Variants in TRPM7 observed in about 807,000 individuals in gnomAD.
TRPM7 encodes LTRPC ion channel family member 7.
Under a neutral mutation model 229.7 loss-of-function variants are expected in TRPM7, and 134 were observed. That is an observed-to-expected ratio of 0.58 (90% CI 0.51 to 0.67). The LOEUF is 0.67. Ranked by LOEUF, TRPM7 falls within the 30% of genes least tolerant of loss-of-function variation. The pLI is 0.00. For missense variants in TRPM7, 1,901 were observed against 2,210.0 expected (o/e 0.86, Z 2.80); for synonymous variants, 699 against 715.2 (o/e 0.98, Z 0.36).
intron 1 of TRPM7, among the ~76,000 whole-genome samples, chr15:50,668,082 T>G (rs781749109): frequency 2.0e-5 from 3 of 152,254 alleles, no homozygotes; most frequent in Non-Finnish European, 4.4e-5. Flanking sequence ...TAAGACTTTT[T>G]GTCATCAACA....
At position 50,612,712 on chromosome 15, in the gene TRPM7, A is replaced by G. The variant is rs1276129490; in HGVS notation, c.1888T>C (p.Cys630Arg). ...YPLNELLIWA[C>R]LMKRQVMARF... ...GCCATGACCTGCCTCTTCATAAGGC[A>G]AGCCCAAATTAAAAGTTCATTAAGT... The change falls in exon 16 of 39, where the codon TGC (cysteine) becomes CGC (arginine). Residue 630 changes from cysteine to arginine, a missense_variant. Cys to Arg is a radical substitution (Grantham distance 180). Transcript: ENST00000646667. The G allele has an allele frequency of 6.2e-7, 1 of 1,614,196 alleles. No individual in the cohort carries two copies. The highest frequency in any genetic ancestry group is 8.5e-7 in the Non-Finnish European group (1 of 1,180,026).
intron 4 of TRPM7, among the ~76,000 whole-genome samples, chr15:50,644,667 A>T (rs1192194939): frequency 6.6e-6 from 1 of 151,796 alleles, no homozygotes; most frequent in Admixed American, 6.6e-5. Context: ...GCTAGGCGTG[A>T]GTGCTTGTAA....
intron 12 of TRPM7, among the ~76,000 whole-genome samples, chr15:50,620,249 T>C (rs755121649): frequency 2.6e-5 from 4 of 152,106 alleles, no homozygotes; most frequent in African/African-American, 4.8e-5. Context: ...GCTTTGAATA[T>C]GGCCCAAGAC....
chr15:50,648,647 A>G (rs1466986235), intron 4 of TRPM7, 40 bp downstream of exon 4: 1 of 1,525,908 alleles, frequency 6.6e-7, no homozygotes, highest in Non-Finnish European at 8.9e-7. Flanking sequence ...TATTATTTAA[A>G]TAACAACATA....
At chr15:50,591,843 T>C (rs772679366) in intron 26 of TRPM7, 68 bp downstream of exon 26, 33 of 1,120,422 alleles carry the variant, frequency 2.9e-5, no homozygotes, top group African/African-American at 3.2e-5. Flanking sequence ...TAACAGTACA[T>C]ATTTCTATTA....
chr15:50,624,247 T>C lies in TRPM7; in HGVS notation c.1359A>G (p.Ala453=). 1 of 1,613,014 alleles carries C rather than the reference T, an allele frequency of 6.2e-7. No homozygotes were observed. The highest frequency in any genetic ancestry group is 8.5e-7 in the Non-Finnish European group (1 of 1,179,468). ...MLDALVMDRV[A]FVKLLIENGV... ...CATTTTCAATAAGAAGTTTTACAAA[T>C]GCAACTCTATCCATTACAAGAGCAT... The change falls in exon 12 of 39, where the codon GCA becomes GCG. Residue 453 remains alanine, a synonymous_variant. Coordinates refer to ENST00000646667, the MANE Select transcript of TRPM7 (RefSeq NM_017672.6).
chr15:50,643,273 G>A, intron 5 of TRPM7, 67 bp downstream of exon 5: 1 of 1,327,904 alleles, frequency 7.5e-7, no homozygotes, highest in Non-Finnish European at 1.1e-6. Flanking sequence ...TGGCAACAGA[G>A]TGAGAGTCCG....
Position 50,684,222 on chromosome 15 carries a change from C to T in TRPM7, c.3+2309G>A, listed in dbSNP as rs532807093. ...GGCTGTAGTGCAGTGGCAGGATCTC[C>T]GCTTACTGCAACCTCCACCTCCCAG... is the stretch of plus-strand genomic sequence containing the variant. On this transcript the variant is annotated intron_variant, in intron 1 of 38. Transcript: ENST00000646667. 8.6e-4 allele frequency among the ~76,000 whole-genome samples: 130 copies of T among 151,616 alleles called. 1 individual carries two copies. The highest frequency in any genetic ancestry group is 3.0e-3 in the African/African-American group (123 of 41,354).
rs1470989251 is a variant in TRPM7 at position 50,558,773 on chromosome 15, G to A, written c.*2905C>T. The A allele has an allele frequency of 2.0e-5, 3 of 151,986 alleles. No individual in the cohort carries two copies. The highest frequency in any genetic ancestry group is 2.9e-5 in the Non-Finnish European group (2 of 68,022). The allele number at this position is 151,986 out of a possible 1,614,324, so 9.4% of individuals were successfully genotyped here. ...GTACGTGTGGTGGTGCATGCCTGTGGTTCCACCTAATCAAGAGGCAGTGGC... is the reference window on the plus strand; with the variant it reads ...GTACGTGTGGTGGTGCATGCCTGTGATTCCACCTAATCAAGAGGCAGTGGC... On this transcript the variant is annotated 3_prime_UTR_variant, in exon 39 of 39. Coordinates refer to ENST00000646667, the MANE Select transcript of TRPM7 (RefSeq NM_017672.6).
rs1242274575 is a variant in TRPM7, at chr15:50,563,029, T to C, written c.5468-1221A>G. On this transcript the variant is annotated intron_variant, in intron 38 of 38. Transcript: ENST00000646667. ...TGCTTTGCGAATGGTAAGAAGACAG[T>C]GTGGCTTCTACATAGTGAATGAGAG... Among the ~76,000 whole-genome samples the C allele has an allele frequency of 3.3e-5, 5 of 152,052 alleles. No homozygotes were observed. In the East Asian group the frequency reaches 9.7e-4, roughly 29 times the overall value.
In TRPM7 at chr15:50,628,263, GA is replaced by G. The variant is rs777403443; in HGVS notation, c.1205-15del. ...ATGCATTAGTACCTAATCGAATAAA[GA>G]AAATAGTTGACAGGTTCAATTAATT... On this transcript the variant is annotated splice_polypyrimidine_tract_variant and intron_variant, in intron 10 of 38. Transcript: ENST00000646667. The G allele has an allele frequency of 1.4e-5, 22 of 1,549,070 alleles. No individual in the cohort carries two copies. The highest frequency in any genetic ancestry group is 1.9e-5 in the Non-Finnish European group (21 of 1,129,492).
intron 26 of TRPM7, among the ~76,000 whole-genome samples, chr15:50,591,354 G>A (rs2059487479): frequency 6.6e-6 from 1 of 151,994 alleles, no homozygotes; most frequent in South Asian, 2.1e-4. Context: ...AATCACTTAG[G>A]TTTTCAACAA....
rs2054046105 is a variant in TRPM7 at position 50,574,585 on chromosome 15, AG to A, written c.5102+51del. 5 of 1,557,730 alleles carry A rather than the reference AG, an allele frequency of 3.2e-6. No homozygotes were observed. In the Admixed American group the frequency reaches 9.1e-5, roughly 28 times the overall value. ...TTCAACATCAAAAATGAAGGTCAAA[AG>A]GGACTGCTATCCATATAATAAAAGA... On this transcript the variant is annotated intron_variant, in intron 35 of 38. Coordinates refer to ENST00000646667, the MANE Select transcript of TRPM7 (RefSeq NM_017672.6).
chr15:50,583,834 A>T (rs1475712060), intron 28 of TRPM7, among the ~76,000 whole-genome samples: 2 of 152,144 alleles, frequency 1.3e-5, no homozygotes, highest in Non-Finnish European at 1.5e-5. Context: ...TCAACCTCCC[A>T]AAGTACTGGG....
At chr15:50,581,744 T>C (rs565344957) in intron 29 of TRPM7, among the ~76,000 whole-genome samples, 1 of 152,306 alleles carries the variant, frequency 6.6e-6, no homozygotes, top group South Asian at 2.1e-4. Flanking sequence ...AATCTTCACA[T>C]ATTTTATCAT....
intron 11 of TRPM7, among the ~76,000 whole-genome samples, chr15:50,624,824 T>C (rs1422162849): frequency 6.6e-6 from 1 of 152,174 alleles, no homozygotes; most frequent in Non-Finnish European, 1.5e-5. Context: ...GCCTTACAAA[T>C]GAACACAAAG....
chr15:50,589,341 A>G (rs1375134576), intron 27 of TRPM7, among the ~76,000 whole-genome samples: 2 of 149,892 alleles, frequency 1.3e-5, no homozygotes, highest in Admixed American at 6.6e-5. Context: ...AAAAAAAAAA[A>G]GAGAGAAATG....
intron 30 of TRPM7, 89 bp downstream of exon 30, chr15:50,580,785 T>C: frequency 8.2e-7 from 1 of 1,218,470 alleles, no homozygotes; most frequent in Non-Finnish European, 1.1e-6. Context: ...TAAAGAAATG[T>C]TAAAGAGATG....
intron 13 of TRPM7, among the ~76,000 whole-genome samples, chr15:50,617,777 C>T (rs1055115475): frequency 6.6e-6 from 1 of 151,924 alleles, no homozygotes; most frequent in African/African-American, 2.4e-5. Flanking sequence ...CCCCCACACC[C>T]CCACCAATCA....
Sources: allele counts gnomAD v4.1 joint callset (sites outside exome capture counted in the v4.1 genomes callset), GRCh38; gene constraint gnomAD v4.1.1; transcripts MANE v1.5; gene names NCBI Gene and HGNC (gene_info 2026-07-23, HGNC 2026-07-21).